Variants in WDR7 observed in about 807,000 individuals in gnomAD.
The protein encoded by WDR7 is WD repeat domain 7.
In WDR7, 46 loss-of-function variants were observed where a neutral mutation model predicts 169.4. The observed-to-expected ratio is 0.27, with a 90% CI of 0.21 to 0.35. WDR7 has a LOEUF of 0.35. WDR7 is among the 10% of genes least tolerant of loss of function. The pLI is 1.00. For missense variants in WDR7, 1,534 were observed against 1,859.3 expected, an observed-to-expected ratio of 0.83 and a Z score of 3.22; for synonymous variants, 612 against 666.8, an observed-to-expected ratio of 0.92 and a Z score of 1.27.
intron 12 of WDR7, among the ~76,000 whole-genome samples, chr18:56,698,926 T>G (rs1297512534): frequency 6.6e-6 from 1 of 152,164 alleles, no homozygotes; most frequent in Non-Finnish European, 1.5e-5. Flanking sequence ...TAATGGGTAC[T>G]GGGCTTAATA....
chr18:56,697,457 C>G (rs2025728685), intron 12 of WDR7, among the ~76,000 whole-genome samples: 2 of 152,210 alleles, frequency 1.3e-5, no homozygotes, highest in South Asian at 4.1e-4. Context: ...CATTATTTTT[C>G]CTGGCAGATT....
rs535164235 is a variant in WDR7, at chr18:56,845,205, G to A, written c.3304+29061G>A. Reference sequence around the variant, plus strand: ...GTTATGTTAAGTATTTACAAAAAGGGATCTTTACTAACCAAAAGATTTTCT... The same window carrying A: ...GTTATGTTAAGTATTTACAAAAAGGAATCTTTACTAACCAAAAGATTTTCT... On this transcript the variant is annotated intron_variant, in intron 20 of 27. Transcript: ENST00000254442. 2.6e-5 allele frequency among the ~76,000 whole-genome samples: 4 copies of A among 152,082 alleles called. No individual in the cohort carries two copies. The South Asian group carries it at 6.2e-4, about 24-fold the overall frequency.
Position 56,879,961 on chromosome 18 carries a change from C to T in WDR7, c.3322C>T (p.Pro1108Ser). ...DITTGCLSSV[P>S]QMKKISTSYE... is the part of the protein sequence containing the mutation. ...GTCTTCAGGTTGCTTATCAAGTGTC[C>T]CACAAATGAAAAAAATTTCTACATC... is the stretch of plus-strand genomic sequence containing the variant. Residue 1108 changes from proline (P) to serine (S), a missense_variant, in exon 21 of 28, where the codon CCA becomes TCA. By Grantham distance (74) the Pro-to-Ser change is moderately conservative (BLOSUM62 -1). Transcript: ENST00000254442. 2 of 1,613,586 alleles carry T rather than the reference C, an allele frequency of 1.2e-6. No individual in the cohort carries two copies. Among genetic ancestry groups the T allele is most frequent in the South Asian group, 2.2e-5 (2 of 91,014 alleles).
chr18:56,843,857 C>CT lies in WDR7; in HGVS notation c.3304+27729dup, dbSNP rs776575088. Among the ~76,000 whole-genome samples, 697 of 134,274 alleles carry CT rather than the reference C, an allele frequency of 5.2e-3. 1 individual carries two copies. The highest frequency in any genetic ancestry group is 7.2e-3 in the East Asian group (34 of 4,752). 88.1% of individuals were successfully genotyped at this position (134,274 alleles called of 152,430 possible). On this transcript the variant is annotated intron_variant, in intron 20 of 27. Transcript: ENST00000254442. ...ACACTCGATATTTTCTTTTTTCTTTCTTTTTTTTTTTTTTTTGTTTTTTGA... is the reference window on the plus strand; with the variant it reads ...ACACTCGATATTTTCTTTTTTCTTTCTTTTTTTTTTTTTTTTTGTTTTTTGA...
At chr18:56,840,842 C>G (rs1041161092) in intron 20 of WDR7, among the ~76,000 whole-genome samples, 2 of 151,460 alleles carry the variant, frequency 1.3e-5, no homozygotes, top group African/African-American at 2.4e-5. Flanking sequence ...AAAAAAGACC[C>G]CATTTCCCAC....
intron 21 of WDR7, among the ~76,000 whole-genome samples, chr18:56,883,771 C>G (rs748175544): frequency 5.9e-5 from 9 of 152,150 alleles, no homozygotes; most frequent in Non-Finnish European, 1.0e-4. Flanking sequence ...GTTTGGTTTT[C>G]TATTCCTGAG....
intron 14 of WDR7, among the ~76,000 whole-genome samples, chr18:56,741,231 A>G (rs933049336): frequency 6.6e-6 from 1 of 152,144 alleles, no homozygotes; most frequent in East Asian, 1.9e-4. Flanking sequence ...CTTTACAGAA[A>G]AAGTTTGCCA....
intron 20 of WDR7, among the ~76,000 whole-genome samples, chr18:56,827,307 T>A (rs571406407): frequency 6.6e-6 from 1 of 152,238 alleles, no homozygotes; most frequent in Admixed American, 6.5e-5. Context: ...AGGAGACAGA[T>A]GAATGGCTAC....
chr18:57,024,100 T>C (rs79530788), intron 27 of WDR7, among the ~76,000 whole-genome samples: 1,825 of 152,308 alleles, frequency 0.012, 35 homozygotes, highest in African/African-American at 0.042. Context: ...ATTTTAACAG[T>C]GACTGTCTTT....
intron 26 of WDR7, among the ~76,000 whole-genome samples, chr18:56,972,252 A>C (rs2047499326): frequency 6.6e-6 from 1 of 152,230 alleles, no homozygotes; most frequent in Non-Finnish European, 1.5e-5. Context: ...TTTGGAAAGC[A>C]ATGTGTTCTT....
chr18:56,784,653 G>A (rs571779214), intron 19 of WDR7, among the ~76,000 whole-genome samples: 4 of 152,276 alleles, frequency 2.6e-5, no homozygotes, highest in South Asian at 2.1e-4. Context: ...CTTTGCAGCC[G>A]TGTTACAGTT....
At chr18:56,881,535 C>T (rs2046108287) in intron 21 of WDR7, among the ~76,000 whole-genome samples, 1 of 152,152 alleles carries the variant, frequency 6.6e-6, no homozygotes, top group African/African-American at 2.4e-5. Flanking sequence ...ATTATGCAAA[C>T]TGCTGCTATT....
At chr18:56,817,269 G>A (rs957313928) in intron 20 of WDR7, among the ~76,000 whole-genome samples, 18 of 151,712 alleles carry the variant, frequency 1.2e-4, no homozygotes, top group African/African-American at 4.4e-4. Flanking sequence ...CGCTTGACCT[G>A]GGAGGTGGAG....
At chr18:56,754,114 G>T (rs2043836591) in intron 14 of WDR7, among the ~76,000 whole-genome samples, 1 of 151,702 alleles carries the variant, frequency 6.6e-6, no homozygotes, top group African/African-American at 2.4e-5. Context: ...GTATGTTTGT[G>T]TGTATATATG....
chr18:57,018,895 C>T (rs1201500743), intron 26 of WDR7, among the ~76,000 whole-genome samples: 1 of 152,124 alleles, frequency 6.6e-6, no homozygotes, highest in Non-Finnish European at 1.5e-5. Flanking sequence ...CCACTTTTTC[C>T]GATTTAATTG....
rs1373787708 is a variant in WDR7, at chr18:56,709,718, G to T, written c.1579-8246G>T. Among the ~76,000 whole-genome samples the T allele has an allele frequency of 2.6e-5, 4 of 152,032 alleles. No individual in the cohort carries two copies. The East Asian group carries it at 7.7e-4, about 29-fold the overall frequency. ...TTAGTAGTCTATTTCAAAGTAAGTA[G>T]TTTTCTCCAATTTTTGTCATTTTTC... is the stretch of plus-strand genomic sequence containing the variant. On this transcript the variant is annotated intron_variant, in intron 12 of 27. Coordinates refer to ENST00000254442, the MANE Select transcript of WDR7 (RefSeq NM_015285.3).
intron 6 of WDR7, 68 bp from the exon 7 acceptor site, chr18:56,686,787 T>C (rs1038296074): frequency 7.5e-7 from 1 of 1,334,662 alleles, no homozygotes; most frequent in Admixed American, 1.9e-5. Context: ...TTGTTGCCTT[T>C]ATCATTGTGT....
chr18:56,918,690 A>G (rs1315301586), intron 21 of WDR7, among the ~76,000 whole-genome samples: 1 of 152,344 alleles, frequency 6.6e-6, no homozygotes, highest in Non-Finnish European at 1.5e-5. Flanking sequence ...TATATTTTTC[A>G]TATTTCACCA....
chr18:57,023,632 T>G (rs1568318484), intron 27 of WDR7, among the ~76,000 whole-genome samples: 1 of 152,252 alleles, frequency 6.6e-6, no homozygotes, highest in East Asian at 1.9e-4. Flanking sequence ...GAATTTACAT[T>G]CTCATCTATC....
Sources: allele counts gnomAD v4.1 joint callset (sites outside exome capture counted in the v4.1 genomes callset), GRCh38; gene constraint gnomAD v4.1.1; transcripts MANE v1.5; gene names NCBI Gene and HGNC (gene_info 2026-07-23, HGNC 2026-07-21).